Variants in DCDC1 observed in about 807,000 individuals in gnomAD.
DCDC1 encodes the protein doublecortin domain containing 1.
A neutral mutation model predicts 178.3 loss-of-function variants in DCDC1; 200 were observed. The ratio of observed to expected loss-of-function variants is 1.12; its 90% CI spans 1.00 to 1.26. The LOEUF (loss-of-function observed/expected upper bound fraction) is 1.26. DCDC1 is among the 50% of genes most tolerant of loss of function. DCDC1 has a pLI of 0.00. For synonymous variants in DCDC1, 690 were observed against 604.8 expected (o/e 1.14, Z -2.07); for missense variants, 1,983 against 1,749.2 (o/e 1.13, Z -2.38).
Position 30,916,922 on chromosome 11 carries a change from T to C in DCDC1, c.3400A>G (p.Lys1134Glu), listed in dbSNP as rs779401036. 9 of 1,609,994 alleles carry C rather than the reference T, an allele frequency of 5.6e-6. No homozygotes were observed. The highest frequency in any genetic ancestry group is 1.3e-5 in the African/African-American group (1 of 74,856). Reference protein sequence around the residue: ...HDFDEDDSLPKKTEKGLFENV... With the variant: ...HDFDEDDSLPEKTEKGLFENV... ...TCAAAGAGCCCTTTTTCCGTTTTCT[T>C]TGGAAGACTGTCATCCTCATCAAAG... Residue 1134 changes from lysine to glutamate, a missense_variant, in exon 26 of 39, where the codon AAG (lysine) becomes GAG (glutamate). By Grantham distance (56) the Lys-to-Glu change is moderately conservative (BLOSUM62 1). Coordinates refer to ENST00000684477, the MANE Select transcript of DCDC1 (RefSeq NM_001387274.1).
Position 31,345,441 on chromosome 11 carries a change from CCAT to C in DCDC1, c.-124-9880_-124-9878del, listed in dbSNP as rs1591819735. 3.3e-5 allele frequency among the ~76,000 whole-genome samples: 5 copies of C among 152,270 alleles called. No homozygotes were observed. The East Asian group carries it at 9.7e-4, about 29-fold the overall frequency. Reference sequence around the variant, plus strand: ...TCTCTTAAAACTAGAAACTCTATCTCCATCACCTATATTCACATGCATCCTGTT... The same window carrying C: ...TCTCTTAAAACTAGAAACTCTATCTCCACCTATATTCACATGCATCCTGTT... On this transcript the variant is annotated intron_variant, in intron 1 of 38. Transcript: ENST00000684477.
chr11:31,213,000 TCTTC>T (rs1972797281), intron 9 of DCDC1, among the ~76,000 whole-genome samples: 1 of 151,962 alleles, frequency 6.6e-6, no homozygotes, highest in African/African-American at 2.4e-5. Context: ...GAGGAAGCTT[TCTTC>T]CTTCTCTCTG....
At chr11:31,352,725 T>C (rs559652865) in intron 1 of DCDC1, among the ~76,000 whole-genome samples, 1 of 152,304 alleles carries the variant, frequency 6.6e-6, no homozygotes, top group Admixed American at 6.5e-5. Context: ...TACATTCTGC[T>C]ACCTTTAGTA....
At chr11:31,168,862 A>T (rs1381805275) in intron 9 of DCDC1, among the ~76,000 whole-genome samples, 4 of 152,304 alleles carry the variant, frequency 2.6e-5, no homozygotes, top group African/African-American at 9.6e-5. Context: ...TATGCAATTT[A>T]TTATTTTATT....
At chr11:31,353,489 C>T (rs1268278516) in intron 1 of DCDC1, among the ~76,000 whole-genome samples, 4 of 152,150 alleles carry the variant, frequency 2.6e-5, no homozygotes, top group African/African-American at 7.2e-5. Context: ...AAACACAAAG[C>T]ATTTATTACC....
chr11:31,099,112 C>T (rs916804109), intron 15 of DCDC1, among the ~76,000 whole-genome samples: 5 of 152,112 alleles, frequency 3.3e-5, no homozygotes, highest in Non-Finnish European at 5.9e-5. Context: ...AGAGAAAAGC[C>T]TCCTTTGAGG....
At chr11:31,221,761 T>C (rs926587084) in intron 9 of DCDC1, among the ~76,000 whole-genome samples, 1 of 152,210 alleles carries the variant, frequency 6.6e-6, no homozygotes, top group African/African-American at 2.4e-5. Context: ...TAGTGTTCTC[T>C]TTAGAACAAG....
At chr11:31,054,489 T>C (rs1253882225) in intron 20 of DCDC1, among the ~76,000 whole-genome samples, 1 of 152,000 alleles carries the variant, frequency 6.6e-6, no homozygotes. Flanking sequence ...GAAAAGACAA[T>C]TCTAAAATTC....
intron 1 of DCDC1, among the ~76,000 whole-genome samples, chr11:31,348,791 C>T (rs1365423398): frequency 6.6e-6 from 1 of 152,172 alleles, no homozygotes; most frequent in African/African-American, 2.4e-5. Flanking sequence ...GAAGGCTAAC[C>T]ATTCAATTCA....
intron 7 of DCDC1, among the ~76,000 whole-genome samples, chr11:31,289,764 C>T (rs897908915): frequency 1.3e-5 from 2 of 152,098 alleles, no homozygotes; most frequent in African/African-American, 4.8e-5. Context: ...ATCCTCACAG[C>T]AACTCTATGA....
chr11:31,292,715 G>A (rs1947322323), intron 6 of DCDC1, among the ~76,000 whole-genome samples: 3 of 151,998 alleles, frequency 2.0e-5, no homozygotes, highest in Admixed American at 2.0e-4. Flanking sequence ...CAGTGTGAAT[G>A]TACTAAATGC....
intron 21 of DCDC1, among the ~76,000 whole-genome samples, chr11:30,934,909 T>TATC (rs1947172565): frequency 6.6e-6 from 1 of 152,150 alleles, no homozygotes; most frequent in Non-Finnish European, 1.5e-5. Flanking sequence ...CCTTTTAGGG[T>TATC]CATTGTTTGG....
chr11:31,120,842 C>CTAA (rs1960689769), intron 11 of DCDC1, among the ~76,000 whole-genome samples: 1 of 152,126 alleles, frequency 6.6e-6, no homozygotes, highest in South Asian at 2.1e-4. Context: ...TACAGATTTG[C>CTAA]TAATACCCTT....
rs1199141313 is a variant in DCDC1, at chr11:30,899,632, T to C, written c.4674A>G (p.Lys1558=). ...AGTTCTGTTTCTCTAATTTTTCTGCTTTCTGCAAAGCTAGAATAATAAAAA... is the reference window on the plus strand; with the variant it reads ...AGTTCTGTTTCTCTAATTTTTCTGCCTTCTGCAAAGCTAGAATAATAAAAA... ...EPFLPPNALQ[K]AEKLEKQNWL... The change falls in exon 34 of 39, where the codon AAA becomes AAG. Residue 1558 remains lysine (K), a synonymous_variant. Coordinates refer to ENST00000684477, the MANE Select transcript of DCDC1 (RefSeq NM_001387274.1). The C allele has an allele frequency of 6.4e-7, 1 of 1,560,624 alleles. No individual in the cohort carries two copies. The highest frequency in any genetic ancestry group is 8.7e-7 in the Non-Finnish European group (1 of 1,152,514).
At chr11:30,914,670 T>C (rs1945705343) in intron 27 of DCDC1, among the ~76,000 whole-genome samples, 1 of 142,380 alleles carries the variant, frequency 7.0e-6, no homozygotes, top group African/African-American at 2.6e-5. Flanking sequence ...GAGAGAGAAA[T>C]GTGTAATCAA....
At chr11:31,255,365 G>A (rs1944342315) in intron 8 of DCDC1, among the ~76,000 whole-genome samples, 1 of 152,122 alleles carries the variant, frequency 6.6e-6, no homozygotes, top group Non-Finnish European at 1.5e-5. Flanking sequence ...TCTCTTGGAA[G>A]ACTCATCAAA....
intron 3 of DCDC1, among the ~76,000 whole-genome samples, chr11:31,313,613 T>C (rs1948895132): frequency 6.6e-6 from 1 of 152,208 alleles, no homozygotes; most frequent in Non-Finnish European, 1.5e-5. Context: ...CACAGATATC[T>C]TTTCTAAAAT....
chr11:31,078,868 T>C (rs886648443), intron 17 of DCDC1, among the ~76,000 whole-genome samples: 3 of 144,272 alleles, frequency 2.1e-5, no homozygotes, highest in African/African-American at 7.6e-5. Flanking sequence ...ATTCCAATTA[T>C]AAAATTCTGG....
At chr11:31,244,336 T>C (rs1035531881) in intron 8 of DCDC1, among the ~76,000 whole-genome samples, 1 of 151,798 alleles carries the variant, frequency 6.6e-6, no homozygotes, top group Admixed American at 6.6e-5. Flanking sequence ...TAATATTCTA[T>C]ACCAAATCAT....
Sources: gnomAD v4.1 joint callset for allele counts (sites outside exome capture counted in the v4.1 genomes callset) on GRCh38, gnomAD v4.1.1 for gene constraint, MANE v1.5 for transcripts, NCBI Gene and HGNC (gene_info 2026-07-23, HGNC 2026-07-21) for gene names.